Variants in PLEKHA5 observed in about 807,000 individuals in gnomAD.
PLEKHA5 encodes pleckstrin homology domain-containing family A member 5.
A neutral mutation model predicts 181.9 loss-of-function variants in PLEKHA5; 55 were observed. The ratio of observed to expected loss-of-function variants is 0.30; its 90% CI spans 0.24 to 0.38. The LOEUF (loss-of-function observed/expected upper bound fraction) is 0.38, where lower values mean the gene tolerates loss of function less well. Ranked by LOEUF, PLEKHA5 falls within the 10% of genes least tolerant of loss-of-function variation. The pLI, the probability that PLEKHA5 is intolerant of heterozygous loss-of-function variation, is 1.00. For synonymous variants in PLEKHA5, 535 were observed against 529.4 expected (o/e 1.01, Z -0.15); for missense variants, 1,432 against 1,549.5 (o/e 0.92, Z 1.27).
chr12:19,339,116 C>T (rs2093674243), intron 21 of PLEKHA5, among the ~76,000 whole-genome samples: 1 of 151,488 alleles, frequency 6.6e-6, no homozygotes, highest in African/African-American at 2.4e-5. Context: ...TCTCTGCTCA[C>T]TGCAACCTCC....
intron 3 of PLEKHA5, among the ~76,000 whole-genome samples, chr12:19,212,082 T>A (rs958982271): frequency 6.6e-6 from 1 of 152,204 alleles, no homozygotes; most frequent in Admixed American, 6.5e-5. Context: ...AAATTTTATT[T>A]AACGGAGGCT....
chr12:19,371,764 A>G (rs555613695), intron 31 of PLEKHA5: 2 of 152,370 alleles, frequency 1.3e-5, no homozygotes, highest in Admixed American at 6.5e-5. Context: ...TTGTGCTGCT[A>G]TAAACATGCA....
intron 3 of PLEKHA5, among the ~76,000 whole-genome samples, chr12:19,181,459 A>G (rs1410218330): frequency 1.3e-5 from 2 of 152,172 alleles, no homozygotes; most frequent in African/African-American, 2.4e-5. Context: ...ATGTGGCTGT[A>G]TTGGTTATTT....
chr12:19,194,695 A>G (rs961350009), intron 3 of PLEKHA5, among the ~76,000 whole-genome samples: 4 of 152,316 alleles, frequency 2.6e-5, no homozygotes, highest in Admixed American at 6.5e-5. Context: ...CAAATTGAAT[A>G]TTGAAATTTC....
chr12:19,357,511 A>G (rs1224685482), intron 26 of PLEKHA5, among the ~76,000 whole-genome samples: 2 of 151,386 alleles, frequency 1.3e-5, no homozygotes, highest in Admixed American at 6.6e-5. Context: ...CTCCCAAAGT[A>G]CTGGGATTAT....
intron 3 of PLEKHA5, among the ~76,000 whole-genome samples, chr12:19,214,975 C>T (rs1026185873): frequency 6.6e-6 from 1 of 151,846 alleles, no homozygotes. Context: ...GTCAGGAGTT[C>T]GAGGCCATCC....
At chr12:19,284,062 TTTG>T (rs761643960) in intron 12 of PLEKHA5, among the ~76,000 whole-genome samples, 4 of 152,120 alleles carry the variant, frequency 2.6e-5, no homozygotes, top group Admixed American at 6.5e-5. Context: ...TTCTGTTGTT[TTTG>T]TTGTTGTTGT....
intron 15 of PLEKHA5, among the ~76,000 whole-genome samples, chr12:19,314,024 C>G (rs2087593815): frequency 6.6e-6 from 1 of 152,132 alleles, no homozygotes; most frequent in Non-Finnish European, 1.5e-5. Context: ...GACCTGTCGA[C>G]TTACAAATGG....
intron 31 of PLEKHA5, chr12:19,372,397 T>TTTG (rs1216248720): frequency 1.3e-5 from 2 of 151,272 alleles, no homozygotes; most frequent in African/African-American, 2.4e-5. Context: ...GATTATTTGT[T>TTTG]TTTGTTTTTT....
At chr12:19,155,537 G>A (rs956990831) in intron 3 of PLEKHA5, among the ~76,000 whole-genome samples, 2 of 152,272 alleles carry the variant, frequency 1.3e-5, no homozygotes, top group East Asian at 1.9e-4. Context: ...ATCGGTATTA[G>A]GGCTTTAAAT....
intron 3 of PLEKHA5, among the ~76,000 whole-genome samples, chr12:19,229,558 G>A (rs140365811): frequency 0.015 from 2,298 of 152,206 alleles, 26 homozygotes; most frequent in South Asian, 0.024. Flanking sequence ...GGTCTCGCTG[G>A]CCTCAGGAGT....
At chr12:19,287,910 C>G (rs966548415) in intron 13 of PLEKHA5, among the ~76,000 whole-genome samples, 1 of 151,996 alleles carries the variant, frequency 6.6e-6, no homozygotes, top group African/African-American at 2.4e-5. Context: ...GAAACCCCAT[C>G]TCTACTAAAA....
At chr12:19,365,344 C>T (rs981372936) in intron 29 of PLEKHA5, among the ~76,000 whole-genome samples, 16 of 144,338 alleles carry the variant, frequency 1.1e-4, no homozygotes, top group Admixed American at 2.2e-4. Context: ...CCAGCCTGGG[C>T]GACAGAGTGA....
chr12:19,206,645 G>A (rs1197473668), intron 3 of PLEKHA5, among the ~76,000 whole-genome samples: 7 of 152,050 alleles, frequency 4.6e-5, no homozygotes, highest in Non-Finnish European at 1.0e-4. Context: ...AATTATGTGA[G>A]GCTTTCCTGA....
intron 21 of PLEKHA5, among the ~76,000 whole-genome samples, chr12:19,341,206 G>A: frequency 6.6e-6 from 1 of 152,134 alleles, no homozygotes; most frequent in Non-Finnish European, 1.5e-5. Context: ...GAACCCAAGA[G>A]GCAGAGGTCA....
chr12:19,283,493 C>T lies in PLEKHA5; in HGVS notation c.1527C>T (p.Leu509=), dbSNP rs1338245241. The T allele has an allele frequency of 3.1e-6, 5 of 1,614,050 alleles. No individual in the cohort carries two copies. In the Admixed American group the frequency reaches 6.7e-5, roughly 22 times the overall value. Residue 509 remains leucine, a synonymous_variant, in exon 12 of 32, where the codon CTC becomes CTT. Transcript: ENST00000429027. ...RSMRDDTMWQ[L]YEWQQRQFYN... Reference sequence around the variant, plus strand: ...TGAGAGATGACACAATGTGGCAGCTCTACGAATGGCAGCAGCGTCAGTTTT... The same window carrying T: ...TGAGAGATGACACAATGTGGCAGCTTTACGAATGGCAGCAGCGTCAGTTTT...
intron 20 of PLEKHA5, 137 bp downstream of exon 20, chr12:19,322,804 G>T: frequency 3.3e-6 from 2 of 602,514 alleles, no homozygotes; most frequent in South Asian, 2.4e-5. Flanking sequence ...TGTTATTAGT[G>T]TGCTTCTGTT....
intron 21 of PLEKHA5, among the ~76,000 whole-genome samples, chr12:19,337,898 G>A (rs2093580488): frequency 6.6e-6 from 1 of 151,974 alleles, no homozygotes; most frequent in African/African-American, 2.4e-5. Context: ...GAGCTTGGTG[G>A]CAGGCACCTG....
intron 16 of PLEKHA5, chr12:19,319,617 A>T (rs2090083876): frequency 5.6e-6 from 1 of 177,266 alleles, no homozygotes; most frequent in Admixed American, 6.4e-5. Context: ...GTAAACATGC[A>T]ATGAGCCCCA....
Sources: allele counts gnomAD v4.1 joint callset (sites outside exome capture counted in the v4.1 genomes callset), GRCh38; gene constraint gnomAD v4.1.1; transcripts MANE v1.5; gene names NCBI Gene and HGNC (gene_info 2026-07-23, HGNC 2026-07-21).